Variants in TCF12 observed in about 807,000 individuals in gnomAD.
TCF12 encodes DNA-binding protein HTF4.
Under a neutral mutation model 86.0 loss-of-function variants are expected in TCF12, and 45 were observed. The observed-to-expected ratio is 0.52, with a 90% confidence interval of 0.41 to 0.67. The LOEUF is 0.67. TCF12 is among the 30% of genes least tolerant of loss of function. The pLI is 0.00. For synonymous variants in TCF12, 330 were observed against 299.6 expected (o/e 1.10, Z -1.05); for missense variants, 881 against 859.9 (o/e 1.02, Z -0.31).
At chr15:57,035,470 T>TTG (rs1397453570) in intron 3 of TCF12, among the ~76,000 whole-genome samples, 1 of 152,140 alleles carries the variant, frequency 6.6e-6, no homozygotes, top group East Asian at 1.9e-4. Flanking sequence ...TCTCACTATG[T>TTG]TGTGTAGGCT....
Position 57,174,235 on chromosome 15 carries a change from AG to A in TCF12, c.390+7771del, listed in dbSNP as rs1186030852. Among the ~76,000 whole-genome samples, 3 of 152,208 alleles carry A rather than the reference AG, an allele frequency of 2.0e-5. No individual in the cohort carries two copies. The East Asian group carries it at 5.8e-4, about 29-fold the overall frequency. ...TACTCAAACAACACGTGTGGTTTGT[AG>A]GAGAAGTGAAAGTTTGGTTTAAGAT... On this transcript the variant is annotated intron_variant, in intron 6 of 20. Transcript: ENST00000333725.
intron 12 of TCF12, among the ~76,000 whole-genome samples, chr15:57,242,284 T>G (rs1314170124): frequency 6.6e-6 from 1 of 152,204 alleles, no homozygotes. Flanking sequence ...TTGTCTGCCC[T>G]GAGTGCTGAG....
At chr15:57,179,910 A>C (rs1486873272) in intron 6 of TCF12, among the ~76,000 whole-genome samples, 1 of 152,190 alleles carries the variant, frequency 6.6e-6, no homozygotes, top group South Asian at 2.1e-4. Context: ...ACTAGAGAGG[A>C]TCATAATTAA....
chr15:57,231,431 T>G (rs765927668), intron 9 of TCF12, among the ~76,000 whole-genome samples, 174 bp downstream of exon 9: 1 of 152,280 alleles, frequency 6.6e-6, no homozygotes, highest in East Asian at 1.9e-4. Context: ...TGACTGCAAT[T>G]TAATTGAATT....
At chr15:57,252,265 C>T (rs528041632) in intron 14 of TCF12, 156 bp from the exon 15 acceptor site, 27 of 564,020 alleles carry the variant, frequency 4.8e-5, no homozygotes, top group Admixed American at 1.0e-4. Flanking sequence ...CCTGTTGAAT[C>T]CCAGCCTTTT....
At chr15:56,954,224 G>C (rs560241227) in intron 3 of TCF12, among the ~76,000 whole-genome samples, 59 of 152,200 alleles carry the variant, frequency 3.9e-4, no homozygotes, top group African/African-American at 1.4e-3. Flanking sequence ...TCTTTCTAGA[G>C]ATATTTCTCT....
chr15:57,074,833 C>A (rs1482040163), intron 4 of TCF12, among the ~76,000 whole-genome samples: 11 of 152,128 alleles, frequency 7.2e-5, no homozygotes, highest in Admixed American at 5.2e-4. Flanking sequence ...ATTTCAGTTC[C>A]TCAAATCTGT....
In TCF12 at chr15:57,253,552, C is replaced by A. The variant is rs1017309174; in HGVS notation, c.1467+84C>A. 42 of 1,502,784 alleles carry A rather than the reference C, an allele frequency of 2.8e-5. No individual in the cohort carries two copies. In the East Asian group the frequency reaches 5.0e-4, roughly 18 times the overall value. 93.1% of individuals were successfully genotyped at this position (1,502,784 alleles called of 1,614,324 possible). On this transcript the variant is annotated intron_variant, in intron 16 of 20. Transcript: ENST00000333725. ...TTAATGAAATCTTTGGGAAGAGGAT[C>A]TTTCTGAAAGGAAGGCAAAGACTGA...
chr15:57,032,360 G>T (rs1195723451), intron 3 of TCF12, among the ~76,000 whole-genome samples: 1 of 152,174 alleles, frequency 6.6e-6, no homozygotes, highest in African/African-American at 2.4e-5. Context: ...ACCTTAAACA[G>T]GTTGATTGTC....
chr15:57,257,279 G>A, intron 16 of TCF12, among the ~76,000 whole-genome samples: 1 of 152,196 alleles, frequency 6.6e-6, no homozygotes, highest in Admixed American at 6.5e-5. Context: ...TTAATGAGTA[G>A]TTTGAGAGTT....
At chr15:57,221,120 T>C (rs1243962529) in intron 8 of TCF12, among the ~76,000 whole-genome samples, 1 of 152,112 alleles carries the variant, frequency 6.6e-6, no homozygotes, top group African/African-American at 2.4e-5. Flanking sequence ...ACTGGGCCAG[T>C]GTTTGGTTGT....
chr15:57,099,368 A>G (rs1262883154), intron 5 of TCF12, among the ~76,000 whole-genome samples: 1 of 152,170 alleles, frequency 6.6e-6, no homozygotes. Context: ...CCTCTTATCT[A>G]TGGGTAATCC....
chr15:57,218,140 G>C (rs1264947754), intron 8 of TCF12, among the ~76,000 whole-genome samples: 1 of 152,052 alleles, frequency 6.6e-6, no homozygotes, highest in Non-Finnish European at 1.5e-5. Context: ...GGGATAGGGG[G>C]TCCCTTATAG....
At chr15:57,061,631 T>C (rs1005776141) in intron 3 of TCF12, among the ~76,000 whole-genome samples, 3 of 152,066 alleles carry the variant, frequency 2.0e-5, no homozygotes, top group African/African-American at 7.2e-5. Flanking sequence ...AAAATACACA[T>C]AAGCCTCATA....
intron 3 of TCF12, among the ~76,000 whole-genome samples, chr15:57,021,660 C>T (rs898309266): frequency 6.6e-6 from 1 of 152,082 alleles, no homozygotes; most frequent in Non-Finnish European, 1.5e-5. Flanking sequence ...GTGACTGAAA[C>T]CTAACAGATA....
intron 6 of TCF12, among the ~76,000 whole-genome samples, chr15:57,190,646 C>G (rs1209029438): frequency 6.6e-6 from 1 of 152,122 alleles, no homozygotes; most frequent in East Asian, 1.9e-4. Flanking sequence ...GTGCAAAATT[C>G]TGCCAAACTA....
chr15:57,253,155 G>GA, intron 15 of TCF12, 107 bp from the exon 16 acceptor site: 1 of 1,218,426 alleles, frequency 8.2e-7, no homozygotes, highest in Non-Finnish European at 1.2e-6. Context: ...ACTTGATACT[G>GA]CATTTCACTT....
At chr15:57,221,808 A>G (rs1372392719) in intron 8 of TCF12, among the ~76,000 whole-genome samples, 1 of 152,124 alleles carries the variant, frequency 6.6e-6, no homozygotes, top group Non-Finnish European at 1.5e-5. Flanking sequence ...CATTGGCAAC[A>G]TTATTATTTT....
At position 57,008,131 on chromosome 15, in the gene TCF12, CT is replaced by C. The variant is rs767016884; in HGVS notation, c.149-55606del. Among the ~76,000 whole-genome samples the C allele has an allele frequency of 5.1e-3, 714 of 138,698 alleles. 1 individual carries two copies. Among genetic ancestry groups the C allele is most frequent in the African/African-American group, 7.4e-3 (282 of 38,006 alleles). 91.0% of individuals were successfully genotyped at this position (138,698 alleles called of 152,430 possible). A position where few individuals can be genotyped will look rare whatever the true frequency, so the allele number is the denominator to read the frequency against. On this transcript the variant is annotated intron_variant, in intron 3 of 20. Coordinates refer to ENST00000333725, the MANE Select transcript of TCF12 (RefSeq NM_207037.2). ...ACATGCCACCAGGCCTGGCTGATTT[CT>C]TTTTTTTTTTTTCCCTGTAGAGATG... is the stretch of plus-strand genomic sequence containing the variant.
Sources: gnomAD v4.1 joint callset for allele counts (sites outside exome capture counted in the v4.1 genomes callset) on GRCh38, gnomAD v4.1.1 for gene constraint, MANE v1.5 for transcripts, NCBI Gene and HGNC (gene_info 2026-07-23, HGNC 2026-07-21) for gene names.